Variants in SLC44A5 observed in about 807,000 individuals in gnomAD.
SLC44A5 encodes choline transporter-like protein 5.
SLC44A5 carries 57 observed loss-of-function variants against 101.8 expected under a neutral mutation model. That is an observed-to-expected ratio of 0.56 (90% CI 0.45 to 0.70). The LOEUF (loss-of-function observed/expected upper bound fraction) is 0.70, where lower values mean the gene tolerates loss of function less well. Ranked by LOEUF, SLC44A5 falls within the 30% of genes least tolerant of loss-of-function variation. The pLI, the probability that SLC44A5 is intolerant of heterozygous loss-of-function variation, is 0.00. For missense variants in SLC44A5, 737 were observed against 853.1 expected (o/e 0.86, Z 1.70); for synonymous variants, 281 against 290.9 (o/e 0.97, Z 0.35).
intron 2 of SLC44A5, among the ~76,000 whole-genome samples, chr1:75,410,564 A>C (rs1490025765): frequency 6.6e-6 from 1 of 152,144 alleles, no homozygotes; most frequent in Non-Finnish European, 1.5e-5. Flanking sequence ...TGAATAAAGA[A>C]AGGTCCAGCC....
intron 3 of SLC44A5, among the ~76,000 whole-genome samples, chr1:75,396,129 G>C (rs1430454161): frequency 6.6e-6 from 1 of 152,124 alleles, no homozygotes; most frequent in African/African-American, 2.4e-5. Context: ...ACCACACTTT[G>C]AGTAGCAAGA....
intron 12 of SLC44A5, among the ~76,000 whole-genome samples, chr1:75,232,818 C>T (rs1010955216): frequency 2.0e-5 from 3 of 152,144 alleles, no homozygotes; most frequent in Non-Finnish European, 4.4e-5. Flanking sequence ...CAACAAACTT[C>T]CAAAGTTACC....
At chr1:75,423,551 G>C (rs184572284) in intron 2 of SLC44A5, among the ~76,000 whole-genome samples, 1 of 152,108 alleles carries the variant, frequency 6.6e-6, no homozygotes, top group East Asian at 1.9e-4. Flanking sequence ...TGAAGCTTTC[G>C]CATCATATTT....
chr1:75,666,880 T>C, the SLC44A5 span, among the ~76,000 whole-genome samples: 2 of 152,112 alleles, frequency 1.3e-5, no homozygotes, highest in Non-Finnish European at 2.9e-5. Context: ...TCAACAAAAT[T>C]CAACATCCCT....
At chr1:75,376,087 G>A (rs938980455) in intron 3 of SLC44A5, among the ~76,000 whole-genome samples, 1 of 152,208 alleles carries the variant, frequency 6.6e-6, no homozygotes, top group East Asian at 1.9e-4. Context: ...GACGCACCTG[G>A]AAAATTGGGT....
intron 4 of SLC44A5, among the ~76,000 whole-genome samples, chr1:75,301,834 C>A (rs138890523): frequency 3.9e-5 from 6 of 152,134 alleles, no homozygotes; most frequent in African/African-American, 1.4e-4. Context: ...AGATCTCCAA[C>A]GCCAAACCTT....
At chr1:75,514,363 A>G (rs908933905) in intron 2 of SLC44A5, among the ~76,000 whole-genome samples, 1 of 152,216 alleles carries the variant, frequency 6.6e-6, no homozygotes, top group African/African-American at 2.4e-5. Flanking sequence ...GAGTGACAAC[A>G]ATTTGTAAAA....
intron 1 of SLC44A5, among the ~76,000 whole-genome samples, chr1:75,568,716 TC>T (rs1672914996): frequency 6.6e-6 from 1 of 152,126 alleles, no homozygotes; most frequent in Admixed American, 6.6e-5. Flanking sequence ...AATTACCACA[TC>T]CCTGCAATAG....
chr1:75,671,688 A>G, the SLC44A5 span, among the ~76,000 whole-genome samples: 1 of 152,156 alleles, frequency 6.6e-6, no homozygotes, highest in Non-Finnish European at 1.5e-5. Context: ...GGGCAAAGAG[A>G]ATTGATAGTG....
At chr1:75,278,469 T>C (rs1372076395) in intron 5 of SLC44A5, among the ~76,000 whole-genome samples, 2 of 152,128 alleles carry the variant, frequency 1.3e-5, no homozygotes, top group Non-Finnish European at 2.9e-5. Flanking sequence ...ACATCCTTTT[T>C]ATAATAGTTA....
chr1:75,517,267 G>A (rs1669884417), intron 2 of SLC44A5, among the ~76,000 whole-genome samples: 1 of 151,946 alleles, frequency 6.6e-6, no homozygotes, highest in Non-Finnish European at 1.5e-5. Flanking sequence ...TCACAAATGA[G>A]GAGAGCTAAG....
intron 1 of SLC44A5, among the ~76,000 whole-genome samples, chr1:75,575,555 T>C (rs1673313206): frequency 6.6e-6 from 1 of 152,214 alleles, no homozygotes; most frequent in Non-Finnish European, 1.5e-5. Context: ...GTAGGAAATT[T>C]AGCGCAGATC....
chr1:75,223,193 T>C (rs1647125207), intron 13 of SLC44A5, among the ~76,000 whole-genome samples: 1 of 152,190 alleles, frequency 6.6e-6, no homozygotes. Context: ...TGGGTTCTTT[T>C]TGGCTTTCAT....
the SLC44A5 span, among the ~76,000 whole-genome samples, chr1:75,657,749 A>G: frequency 6.6e-6 from 1 of 152,138 alleles, no homozygotes. Flanking sequence ...ATATGCCCCC[A>G]ACATTGGAGC....
Position 75,428,893 on chromosome 1 carries a change from G to A in SLC44A5, c.14-32272C>T, listed in dbSNP as rs139336175. ...GGTGTCAGGCACAAAGCTAGTTAGTGCCAGAAGTAAGAGTCTTAGTTTTTT... is the reference window on the plus strand; with the variant it reads ...GGTGTCAGGCACAAAGCTAGTTAGTACCAGAAGTAAGAGTCTTAGTTTTTT... On this transcript the variant is annotated intron_variant, in intron 2 of 23. Coordinates refer to ENST00000370859, the MANE Select transcript of SLC44A5 (RefSeq NM_001130058.2). Among the ~76,000 whole-genome samples, 128 of 152,312 alleles carry A rather than the reference G, an allele frequency of 8.4e-4. No individual in the cohort carries two copies. The Middle Eastern group carries it at 0.014, about 16-fold the overall frequency.
intron 5 of SLC44A5, among the ~76,000 whole-genome samples, chr1:75,298,935 A>T (rs1654203895): frequency 6.6e-6 from 1 of 152,176 alleles, no homozygotes; most frequent in African/African-American, 2.4e-5. Flanking sequence ...CACTTTCCAG[A>T]TAAGAAAACT....
the SLC44A5 span, among the ~76,000 whole-genome samples, chr1:75,707,274 T>C: frequency 2.0e-5 from 3 of 152,210 alleles, no homozygotes; most frequent in Non-Finnish European, 4.4e-5. Context: ...CTGGCTCTAG[T>C]GGCCAAAGAG....
In SLC44A5 at chr1:75,202,869, A is replaced by C. The variant is rs1226542494; in HGVS notation, c.*858T>G. 1 of 152,098 alleles carries C rather than the reference A, an allele frequency of 6.6e-6. No homozygotes were observed. The highest frequency in any genetic ancestry group is 2.4e-5 in the African/African-American group (1 of 41,416). 9.4% of individuals were successfully genotyped at this position (152,098 alleles called of 1,614,324 possible). On this transcript the variant is annotated 3_prime_UTR_variant, in exon 24 of 24. Coordinates refer to ENST00000370859, the MANE Select transcript of SLC44A5 (RefSeq NM_001130058.2). The stretch of plus-strand genomic sequence containing the variant: ...AAACTTCTCTTTTAGTAAAAAAAAA[A>C]ACAAAGAAATCCAACAAGTGTTCTT...
chr1:75,351,846 C>CAAAAAA (rs71071942), intron 3 of SLC44A5, among the ~76,000 whole-genome samples: 6 of 28,396 alleles, frequency 2.1e-4, no homozygotes, highest in East Asian at 2.2e-3. Flanking sequence ...CACACTTTAC[C>CAAAAAA]AAAAAAAAAA....
Sources: allele counts gnomAD v4.1 joint callset (sites outside exome capture counted in the v4.1 genomes callset), GRCh38; gene constraint gnomAD v4.1.1; transcripts MANE v1.5; gene names NCBI Gene and HGNC (gene_info 2026-07-23, HGNC 2026-07-21).